Variants in APC observed in about 807,000 individuals in gnomAD.
APC encodes adenomatous polyposis coli protein.
APC carries 72 observed loss-of-function variants against 247.0 expected under a neutral mutation model. That is an observed-to-expected ratio of 0.29 (90% CI 0.24 to 0.35). The LOEUF (loss-of-function observed/expected upper bound fraction) is 0.35, where lower values mean the gene tolerates loss of function less well. APC is among the 10% of genes least tolerant of loss of function. The pLI is 1.00. For missense variants in APC, 3,400 were observed against 3,360.7 expected (o/e 1.01, Z -0.29); for synonymous variants, 1,254 against 1,162.5 (o/e 1.08, Z -1.60).
rs1321275331 is a variant in APC, at chr5:112,843,035, A to T, written c.7441A>T (p.Thr2481Ser). Residue 2481 changes from threonine (T) to serine (S), a missense_variant, in exon 16 of 16, where the codon ACT (threonine) becomes TCT (serine). Physicochemically the swap from Thr to Ser is moderately conservative, Grantham distance 58 (BLOSUM62 1). Coordinates refer to ENST00000257430, the MANE Select transcript of APC (RefSeq NM_000038.6). This position sits in a 1 kb window ranked among gnomAD's most constrained non-coding sequence, Gnocchi z 4.8. The stretch of plus-strand genomic sequence containing the variant: ...TTCTCCCACTAGGTCCCAGGCACAA[A>T]CTCCAGTTTTAAGTCCTTCCCTTCC... ...PASPTRSQAQ[T>S]PVLSPSLPDM... 1.2e-6 allele frequency: 2 copies of T among 1,613,608 alleles called. No homozygotes were observed. The highest frequency in any genetic ancestry group is 2.7e-5 in the African/African-American group (2 of 74,846).
At chr5:112,766,735 G>C (rs912557353) in intron 3 of APC, among the ~76,000 whole-genome samples, 1 of 152,130 alleles carries the variant, frequency 6.6e-6, no homozygotes, top group Non-Finnish European at 1.5e-5. Flanking sequence ...ATAGACTTGA[G>C]CCTACTGTTT....
At chr5:112,795,941 T>A (rs1488727512) in intron 7 of APC, among the ~76,000 whole-genome samples, 1 of 152,156 alleles carries the variant, frequency 6.6e-6, no homozygotes, top group Non-Finnish European at 1.5e-5. Context: ...CCAGTCCATA[T>A]TGAAACTATT....
chr5:112,824,410 A>G (rs1439196451), intron 11 of APC, among the ~76,000 whole-genome samples: 3 of 152,226 alleles, frequency 2.0e-5, no homozygotes, highest in Non-Finnish European at 4.4e-5. Flanking sequence ...CCTGAAATCA[A>G]AAAGCACTTC....
chr5:112,829,094 A>T, intron 14 of APC, 122 bp downstream of exon 14: 1 of 720,352 alleles, frequency 1.4e-6, no homozygotes, highest in Non-Finnish European at 2.5e-6. Flanking sequence ...CTATAATATG[A>T]ATTTCATGTT....
In APC at chr5:112,794,555, A is replaced by T. The variant is rs565769886; in HGVS notation, c.729+2026A>T. On this transcript the variant is annotated intron_variant, in intron 7 of 15. Transcript: ENST00000257430. ...AGACTGTCCACTTCAAACGCCAGCC[A>T]CAAGTTTTGGGTGTCCCTAAGCCAC... 4.3e-3 allele frequency among the ~76,000 whole-genome samples: 661 copies of T among 152,290 alleles called. 4 individuals are homozygous for T. Among genetic ancestry groups the T allele is most frequent in the African/African-American group, 0.015 (621 of 41,566 alleles).
Position 112,843,735 on chromosome 5 carries a change from G to A in APC, c.8141G>A (p.Arg2714His), listed in dbSNP as rs747362422. 78 of 1,613,888 alleles carry A rather than the reference G, an allele frequency of 4.8e-5. No individual in the cohort carries two copies. Among genetic ancestry groups the A allele is most frequent in the African/African-American group, 1.3e-4 (10 of 74,890 alleles). ...GTGGGTAATGGCAGTGTTCCCATGC[G>A]TACCGTGGGTTTGGAAAATCGCCTG... ...QNVGNGSVPM[R>H]TVGLENRLNS... The change falls in exon 16 of 16, where the codon CGT becomes CAT. Residue 2714 changes from arginine to histidine, a missense_variant. By Grantham distance (29) the Arg-to-His change is conservative. Around this residue, in one of 9 missense-constraint regions of APC, gnomAD observed 1,788 missense variants for 1,649.5 expected, o/e 1.08. Transcript: ENST00000257430. The surrounding 1 kb of genome is among the most constrained non-coding windows in gnomAD (Gnocchi z 4.8).
At position 112,842,401 on chromosome 5, in the gene APC, T is replaced by C. The variant is rs946677660; in HGVS notation, c.6807T>C (p.Thr2269=). The part of the protein sequence containing the change: ...KSPSEGQTAT[T]SPRGAKPSVK... ...CTAGTGAAGGTCAAACAGCCACCACTTCTCCTAGAGGAGCCAAGCCATCTG... is the reference window on the plus strand; with the variant it reads ...CTAGTGAAGGTCAAACAGCCACCACCTCTCCTAGAGGAGCCAAGCCATCTG... Residue 2269 remains threonine, a synonymous_variant, in exon 16 of 16, where the codon ACT becomes ACC. Transcript: ENST00000257430. 1.2e-6 allele frequency: 2 copies of C among 1,613,954 alleles called. No individual in the cohort carries two copies. Among genetic ancestry groups the C allele is most frequent in the African/African-American group, 1.3e-5 (1 of 74,920 alleles).
chr5:112,761,722 T>C (rs898256386), intron 2 of APC, among the ~76,000 whole-genome samples: 2 of 152,134 alleles, frequency 1.3e-5, no homozygotes, highest in Non-Finnish European at 2.9e-5. Context: ...GCACCATATA[T>C]AGAAAGAAAT....
chr5:112,728,423 T>A (rs552982250), intron 1 of APC, among the ~76,000 whole-genome samples: 1 of 152,282 alleles, frequency 6.6e-6, no homozygotes, highest in South Asian at 2.1e-4. Context: ...TGAGCCACCG[T>A]GCCCGACCAG....
Position 112,800,832 on chromosome 5 carries a change from C to CAT in APC, c.730-432_730-431dup, listed in dbSNP as rs150403293. On this transcript the variant is annotated intron_variant, in intron 7 of 15. Coordinates refer to ENST00000257430, the MANE Select transcript of APC (RefSeq NM_000038.6). ...CACCTAACTTTTATTAGAAGATATA[C>CAT]ATATATATATATATATTCTATGTGA... is the stretch of plus-strand genomic sequence containing the variant. Among the ~76,000 whole-genome samples the CAT allele has an allele frequency of 6.6e-3, 979 of 149,162 alleles. 6 individuals carry two copies. Among genetic ancestry groups the CAT allele is most frequent in the South Asian group, 0.019 (88 of 4,754 alleles).
At chr5:112,725,934 A>G (rs2149664308) in intron 1 of APC, among the ~76,000 whole-genome samples, 1 of 152,348 alleles carries the variant, frequency 6.6e-6, no homozygotes, top group African/African-American at 2.4e-5. Flanking sequence ...CAAGATCCTT[A>G]TTAATAGCCT....
intron 1 of APC, among the ~76,000 whole-genome samples, chr5:112,728,121 C>A (rs1268920253): frequency 1.3e-5 from 2 of 151,030 alleles, no homozygotes; most frequent in Non-Finnish European, 3.0e-5. Context: ...GATAGTGTTA[C>A]TGTGTTTTTT....
rs576523730 is a variant in APC, at chr5:112,825,302, T to C, written c.1409-1806T>C. 2.0e-5 allele frequency among the ~76,000 whole-genome samples: 3 copies of C among 152,332 alleles called. No homozygotes were observed. The East Asian group carries it at 5.8e-4, about 29-fold the overall frequency. On this transcript the variant is annotated intron_variant, in intron 11 of 15. Transcript: ENST00000257430. ...ATACTTTGTCTTACTTCTCTTCCCA[T>C]TTCCACTCATAGTCGATTTTGTTCA... is the stretch of plus-strand genomic sequence containing the variant.
chr5:112,841,113 T>TGA lies in APC; in HGVS notation c.5519_5520insGA (p.Phe1840LeufsTer24). ...GATAGAGTCAGAGGAAGTTTTGCTT[T>TGA]TGATTCACCTCATCATTACACGCCT... On this transcript the variant is annotated frameshift_variant, in exon 16 of 16. Transcript: ENST00000257430. LOFTEE classifies it high-confidence loss of function. The surrounding 1 kb of genome is among the most constrained non-coding windows in gnomAD (Gnocchi z 4.6). 1 of 1,613,134 alleles carries TGA rather than the reference T, an allele frequency of 6.2e-7. No homozygotes were observed. Among genetic ancestry groups the TGA allele is most frequent in the Non-Finnish European group, 8.5e-7 (1 of 1,179,102 alleles).
chr5:112,796,150 T>C (rs1016765575), intron 7 of APC, among the ~76,000 whole-genome samples: 1 of 152,186 alleles, frequency 6.6e-6, no homozygotes, highest in African/African-American at 2.4e-5. Flanking sequence ...TAAAGGAAGG[T>C]GATTATAGTA....
intron 6 of APC, chr5:112,783,933 G>A (rs1758659990): frequency 4.9e-6 from 1 of 202,366 alleles, no homozygotes. Flanking sequence ...ACACATCAGG[G>A]AAATGTAATA....
chr5:112,806,975 A>AT (rs1761480545), intron 8 of APC, among the ~76,000 whole-genome samples: 1 of 152,112 alleles, frequency 6.6e-6, no homozygotes, highest in Non-Finnish European at 1.5e-5. Context: ...TCTACTAAAA[A>AT]TACAAAAATT....
At chr5:112,785,654 A>G (rs375253995) in intron 6 of APC, among the ~76,000 whole-genome samples, 1 of 152,212 alleles carries the variant, frequency 6.6e-6, no homozygotes, top group Non-Finnish European at 1.5e-5. Flanking sequence ...AATTTAGGCA[A>G]ATGATAGAGA....
Position 112,844,354 on chromosome 5 carries a change from G to T in APC, c.*228G>T. The stretch of plus-strand genomic sequence containing the variant: ...GGAAAAAAATAGTAAAGCCAAGTAT[G>T]TTTGTACAGTATGTTTTACATGTAT... On this transcript the variant is annotated 3_prime_UTR_variant, in exon 16 of 16. Transcript: ENST00000257430. 1.8e-6 allele frequency: 1 copy of T among 543,132 alleles called. No individual in the cohort carries two copies. 33.6% of individuals were successfully genotyped at this position (543,132 alleles called of 1,614,324 possible). A position where few individuals can be genotyped will look rare whatever the true frequency, so the allele number is the denominator to read the frequency against.
Sources: allele counts gnomAD v4.1 joint callset (sites outside exome capture counted in the v4.1 genomes callset), GRCh38; gene constraint gnomAD v4.1.1; regional missense constraint gnomAD v4.1.1; non-coding constraint Gnocchi (gnomAD v3.1); transcripts MANE v1.5; gene names NCBI Gene and HGNC (gene_info 2026-07-23, HGNC 2026-07-21).